XYLB: variants seen among roughly 807,000 people sequenced by gnomAD.
The protein encoded by XYLB is xylulose kinase.
A neutral mutation model predicts 78.7 loss-of-function variants in XYLB; 62 were observed. That is an observed-to-expected ratio of 0.79 (90% confidence interval 0.64 to 0.97). The LOEUF is 0.97. Ranked by LOEUF, XYLB falls within the 50% of genes least tolerant of loss-of-function variation. The pLI is 0.00. For missense variants in XYLB, 687 were observed against 676.8 expected, an observed-to-expected ratio of 1.02 and a Z score of -0.17; for synonymous variants, 245 against 247.4, an observed-to-expected ratio of 0.99 and a Z score of 0.09.
At chr3:38,398,545 A>G (rs1260965201) in intron 17 of XYLB, among the ~76,000 whole-genome samples, 1 of 151,994 alleles carries the variant, frequency 6.6e-6, no homozygotes, top group Non-Finnish European at 1.5e-5. Context: ...GCCTCATGCC[A>G]TATCCTATAT....
At chr3:38,356,100 AT>A in intron 2 of XYLB, 1 of 214,322 alleles carries the variant, frequency 4.7e-6, no homozygotes, top group Non-Finnish European at 9.4e-6. Context: ...AAATACAAAA[AT>A]TTAGCCAGGC....
At chr3:38,416,701 A>G (rs571476357), downstream of XYLB, among the ~76,000 whole-genome samples, 2 of 152,240 alleles carry the variant, frequency 1.3e-5, no homozygotes, top group Non-Finnish European at 2.9e-5. Context: ...AAAAGGTAGA[A>G]TTCAGGAAAA....
chr3:38,413,515 C>G lies in XYLB; in HGVS notation c.*502C>G, dbSNP rs2125683067. ...ATCCTCTTCCCCAATCCAAACCCCA[C>G]AGTCTCTTCTCTCCCACACCCTGCC... On this transcript the variant is annotated 3_prime_UTR_variant, in exon 19 of 19. Transcript: ENST00000207870. The G allele has an allele frequency of 6.5e-6, 1 of 153,456 alleles. No homozygotes were observed. The highest frequency in any genetic ancestry group is 2.1e-4 in the South Asian group (1 of 4,848). 9.5% of individuals were successfully genotyped at this position (153,456 alleles called of 1,614,324 possible).
intron 18 of XYLB, among the ~76,000 whole-genome samples, chr3:38,408,674 A>G (rs1575541885): frequency 7.7e-6 from 1 of 130,590 alleles, no homozygotes; most frequent in African/African-American, 2.5e-5. Flanking sequence ...GAAGAATCAA[A>G]TAGACGCAAT....
chr3:38,382,043 C>A (rs867117146), intron 15 of XYLB, among the ~76,000 whole-genome samples: 3 of 152,198 alleles, frequency 2.0e-5, no homozygotes, highest in African/African-American at 7.2e-5. Flanking sequence ...ATGTCTCCCC[C>A]AGACACCCAG....
chr3:38,447,087 A>G, the XYLB span, among the ~76,000 whole-genome samples: 5 of 152,228 alleles, frequency 3.3e-5, no homozygotes, highest in Non-Finnish European at 7.3e-5. Flanking sequence ...AAAATCCCAA[A>G]TAATCCCATT....
chr3:38,425,854 G>C (rs192985958), downstream of XYLB, among the ~76,000 whole-genome samples: 11 of 152,238 alleles, frequency 7.2e-5, no homozygotes, highest in African/African-American at 1.2e-4. Flanking sequence ...TTTAAAACTT[G>C]ATCTCCCTAA....
intron 17 of XYLB, among the ~76,000 whole-genome samples, chr3:38,398,235 C>T (rs929721313): frequency 5.3e-5 from 8 of 151,466 alleles, no homozygotes; most frequent in African/African-American, 7.3e-5. Context: ...TTTGGGAGGC[C>T]GAGGCGGGTG....
chr3:38,390,273 G>T (rs1344869506), intron 15 of XYLB, among the ~76,000 whole-genome samples: 1 of 152,074 alleles, frequency 6.6e-6, no homozygotes, highest in Admixed American at 6.6e-5. Context: ...GAGTGCAATG[G>T]TGCATTCTCG....
At chr3:38,442,720 A>ATTTTTT in the XYLB span, among the ~76,000 whole-genome samples, 21 of 99,162 alleles carry the variant, frequency 2.1e-4, no homozygotes, top group African/African-American at 5.1e-4. Flanking sequence ...GGACTGCTGC[A>ATTTTTT]TTTTTTTTTT....
intron 15 of XYLB, among the ~76,000 whole-genome samples, chr3:38,390,375 G>A (rs1707596195): frequency 1.3e-5 from 2 of 151,908 alleles, no homozygotes; most frequent in African/African-American, 2.4e-5. Context: ...CACCACACCT[G>A]GCTAAGTTTT....
the XYLB span, among the ~76,000 whole-genome samples, chr3:38,438,613 G>A: frequency 5.9e-5 from 9 of 152,190 alleles, no homozygotes; most frequent in African/African-American, 9.7e-5. Flanking sequence ...ATGAAGCTGC[G>A]GACCTTTGTG....
intron 10 of XYLB, among the ~76,000 whole-genome samples, chr3:38,373,898 A>G (rs1213906257): frequency 6.6e-6 from 1 of 152,092 alleles, no homozygotes; most frequent in African/African-American, 2.4e-5. Flanking sequence ...GTGCACCTGT[A>G]GTCTTAGCTA....
downstream of XYLB, among the ~76,000 whole-genome samples, chr3:38,416,621 AAAAG>A (rs1265431732): frequency 6.6e-6 from 1 of 152,214 alleles, no homozygotes; most frequent in Non-Finnish European, 1.5e-5. Context: ...AGGCTAAAAA[AAAAG>A]AGATGGGCAA....
At position 38,413,002 on chromosome 3, in the gene XYLB, C is replaced by A. The variant is rs147529368; in HGVS notation, c.1600C>A (p.Pro534Thr). 19 of 1,600,018 alleles carry A rather than the reference C, an allele frequency of 1.2e-5. No individual in the cohort carries two copies. The highest frequency in any genetic ancestry group is 1.3e-5 in the Non-Finnish European group (15 of 1,175,704). ...GAGAATCTTGTCTCAGACCCGGGGGCCTCCGGAGTGAACAGGCATCCCTGT... is the reference window on the plus strand; with the variant it reads ...GAGAATCTTGTCTCAGACCCGGGGGACTCCGGAGTGAACAGGCATCCCTGT... ...EQRILSQTRG[P>T]PE Residue 534 changes from proline to threonine, a missense_variant, in exon 19 of 19, where the codon CCT (proline) becomes ACT (threonine). By Grantham distance (38) the Pro-to-Thr change is conservative. Transcript: ENST00000207870.
chr3:38,387,408 T>C (rs1055098174), intron 15 of XYLB, among the ~76,000 whole-genome samples: 7 of 152,152 alleles, frequency 4.6e-5, no homozygotes, highest in Non-Finnish European at 8.8e-5. Flanking sequence ...TCTTGCTCTG[T>C]TGCCCAGGCT....
At chr3:38,411,713 G>C (rs1366029213) in intron 18 of XYLB, among the ~76,000 whole-genome samples, 2 of 150,804 alleles carry the variant, frequency 1.3e-5, no homozygotes, top group South Asian at 2.1e-4. Flanking sequence ...TTCTAGCTCT[G>C]TTTTCCTTGA....
chr3:38,386,634 A>G (rs1172874308), intron 15 of XYLB, among the ~76,000 whole-genome samples: 3 of 152,038 alleles, frequency 2.0e-5, no homozygotes, highest in South Asian at 2.1e-4. Context: ...TAAGGTATAC[A>G]CTTTTTAATT....
chr3:38,445,312 C>T, the XYLB span, among the ~76,000 whole-genome samples: 14 of 152,172 alleles, frequency 9.2e-5, no homozygotes, highest in African/African-American at 2.2e-4. Flanking sequence ...AACTCCCCCA[C>T]GCGACGGGGC....
Sources: gnomAD v4.1 joint callset for allele counts (sites outside exome capture counted in the v4.1 genomes callset) on GRCh38, gnomAD v4.1.1 for gene constraint, MANE v1.5 for transcripts, NCBI Gene and HGNC (gene_info 2026-07-23, HGNC 2026-07-21) for gene names.